PPP1R37: variants seen among roughly 807,000 people sequenced by gnomAD.
PPP1R37 encodes the protein protein phosphatase 1 regulatory subunit 37, also known as leucine rich repeat containing 68.
A neutral mutation model predicts 61.0 loss-of-function variants in PPP1R37; 21 were observed. The ratio of observed to expected loss-of-function variants is 0.34; its 90% CI spans 0.24 to 0.50. The LOEUF (loss-of-function observed/expected upper bound fraction) is 0.50. PPP1R37 is among the 20% of genes least tolerant of loss of function. The pLI is 0.98. For synonymous variants in PPP1R37, 443 were observed against 433.5 expected, an observed-to-expected ratio of 1.02 and a Z score of -0.27; for missense variants, 910 against 952.7, an observed-to-expected ratio of 0.96 and a Z score of 0.59.
At chr19:45,133,793 A>G (rs1283371277) in intron 1 of PPP1R37, among the ~76,000 whole-genome samples, 1 of 152,176 alleles carries the variant, frequency 6.6e-6, no homozygotes, top group African/African-American at 2.4e-5. Flanking sequence ...GACCTTTTCC[A>G]TGTCCATCAT....
intron 1 of PPP1R37, among the ~76,000 whole-genome samples, chr19:45,115,556 T>G (rs1182557805): frequency 2.0e-5 from 3 of 152,192 alleles, no homozygotes; most frequent in Non-Finnish European, 4.4e-5. Context: ...CTTTTACTGA[T>G]TCTGTGGCCT....
chr19:45,135,368 GC>G (rs1332495413), intron 1 of PPP1R37, among the ~76,000 whole-genome samples: 11 of 152,250 alleles, frequency 7.2e-5, no homozygotes, highest in Non-Finnish European at 1.5e-4. Flanking sequence ...CCCCAGCGGT[GC>G]CCACCCCCAG....
chr19:45,122,023 G>A (rs542594462), intron 1 of PPP1R37, among the ~76,000 whole-genome samples: 36 of 152,312 alleles, frequency 2.4e-4, no homozygotes, highest in South Asian at 4.1e-4. Flanking sequence ...CCTTGGGGGT[G>A]TGGGGTTCCC....
At position 45,140,261 on chromosome 19, in the gene PPP1R37, T is replaced by A; in HGVS notation, c.326T>A (p.Leu109His). The A allele has an allele frequency of 6.5e-7, 1 of 1,536,140 alleles. No individual in the cohort carries two copies. The highest frequency in any genetic ancestry group is 8.7e-7 in the Non-Finnish European group (1 of 1,146,898). Residue 109 changes from leucine (L) to histidine (H), a missense_variant, in exon 3 of 13, where the codon CTC (leucine) becomes CAC (histidine). By Grantham distance (99) the Leu-to-His change is moderately conservative (BLOSUM62 -3). Coordinates refer to ENST00000221462, the MANE Select transcript of PPP1R37 (RefSeq NM_019121.2). ...LQEFTDLGHR[L>H]DCLDLKGEKL... ...GAATTCACAGACCTCGGGCACCGCC[T>A]CGACTGTCTGGACCTGAAAGGTGTG... is the stretch of plus-strand genomic sequence containing the variant.
intron 1 of PPP1R37, among the ~76,000 whole-genome samples, chr19:45,107,536 C>T (rs1014231582): frequency 1.3e-5 from 2 of 152,086 alleles, no homozygotes; most frequent in African/African-American, 4.8e-5. Flanking sequence ...CCCAGGAGGT[C>T]GAGGCTGCAA....
Position 45,146,575 on chromosome 19 carries a change from C to A in PPP1R37, c.*13C>A. On this transcript the variant is annotated 3_prime_UTR_variant, in exon 13 of 13. Transcript: ENST00000221462. ...CCCCAATCTCTCCTCCCCAAGTTCC[C>A]TTTTTCCGGTCGGTCTGCGATGAGC... is the stretch of plus-strand genomic sequence containing the variant. 5.5e-6 allele frequency: 5 copies of A among 915,996 alleles called. No homozygotes were observed. The highest frequency in any genetic ancestry group is 6.6e-6 in the Non-Finnish European group (4 of 602,244). 56.7% of individuals were successfully genotyped at this position (915,996 alleles called of 1,614,324 possible). A position where few individuals can be genotyped will look rare whatever the true frequency, so the allele number is the denominator to read the frequency against.
intron 1 of PPP1R37, among the ~76,000 whole-genome samples, chr19:45,132,081 CAT>C (rs918066281): frequency 3.3e-5 from 5 of 152,198 alleles, no homozygotes; most frequent in African/African-American, 1.2e-4. Context: ...CACCCAAACA[CAT>C]GTGTTTTGAA....
chr19:45,126,043 T>C (rs1442419942), intron 1 of PPP1R37, among the ~76,000 whole-genome samples: 2 of 151,810 alleles, frequency 1.3e-5, no homozygotes, highest in Non-Finnish European at 2.9e-5. Context: ...CAGATAGGGG[T>C]GGATGGTGCC....
In PPP1R37 at chr19:45,127,983, A is replaced by T. The variant is rs1968429091; in HGVS notation, c.203-10531A>T. Among the ~76,000 whole-genome samples the T allele has an allele frequency of 1.3e-5, 2 of 152,006 alleles. 1 individual carries two copies. The highest frequency in any genetic ancestry group is 2.9e-5 in the Non-Finnish European group (2 of 68,006). On this transcript the variant is annotated intron_variant, in intron 1 of 12. Coordinates refer to ENST00000221462, the MANE Select transcript of PPP1R37 (RefSeq NM_019121.2). Reference sequence around the variant, plus strand: ...GAGCGAGACTCCATCTCAAAAAAAAAAAAAAAAAAAGATAAATGTTTGAGG... The same window carrying T: ...GAGCGAGACTCCATCTCAAAAAAAATAAAAAAAAAAGATAAATGTTTGAGG...
chr19:45,146,517 A>C, intron 12 of PPP1R37, 37 bp downstream of exon 12: 1 of 1,396,102 alleles, frequency 7.2e-7, no homozygotes. Context: ...ACTCGGGAGG[A>C]GCTGAGAGAG....
Position 45,145,812 on chromosome 19 carries a change from T to TGGGG in PPP1R37, c.1756_1757insGGGG (p.Ser586TrpfsTer27). 6 of 1,227,474 alleles carry TGGGG rather than the reference T, an allele frequency of 4.9e-6. No homozygotes were observed. The highest frequency in any genetic ancestry group is 6.5e-6 in the Non-Finnish European group (6 of 921,960). 76.0% of individuals were successfully genotyped at this position (1,227,474 alleles called of 1,614,324 possible). A position where few individuals can be genotyped will look rare whatever the true frequency, so the allele number is the denominator to read the frequency against. The stretch of plus-strand genomic sequence containing the variant: ...GCCCGAGAGGGCAGAGCCCCCTGCG[T>TGGGG]CCCCCACCCCTCCCTCTCCCCCACC... On this transcript the variant is annotated frameshift_variant, in exon 11 of 13. Coordinates refer to ENST00000221462, the MANE Select transcript of PPP1R37 (RefSeq NM_019121.2). LOFTEE classifies it high-confidence loss of function.
chr19:45,140,799 G>A, intron 4 of PPP1R37, 193 bp downstream of exon 4: 1 of 590,604 alleles, frequency 1.7e-6, no homozygotes, highest in Non-Finnish European at 3.0e-6. Flanking sequence ...GGCGCGTTGG[G>A]GCACCTATGG....
chr19:45,136,331 TTCTC>T (rs1211069064), intron 1 of PPP1R37: 1 of 152,324 alleles, frequency 6.6e-6, no homozygotes, highest in Admixed American at 6.5e-5. Context: ...ACTGTTTCTT[TTCTC>T]TCTCTCTTTT....
intron 1 of PPP1R37, among the ~76,000 whole-genome samples, chr19:45,132,272 G>T (rs1291501808): frequency 6.6e-6 from 1 of 152,038 alleles, no homozygotes; most frequent in Non-Finnish European, 1.5e-5. Context: ...GGAAAAACAA[G>T]AGGAATGTAA....
chr19:45,141,182 C>T (rs768178436), intron 4 of PPP1R37, 140 bp from the exon 5 acceptor site: 3 of 921,410 alleles, frequency 3.3e-6, no homozygotes, highest in Non-Finnish European at 3.1e-6. Context: ...GGGGCCCTGT[C>T]TGTGCTTGTC....
intron 5 of PPP1R37, 59 bp downstream of exon 5, chr19:45,141,500 T>G: frequency 1.4e-5 from 21 of 1,498,814 alleles, no homozygotes; most frequent in Non-Finnish European, 1.9e-5. Context: ...GGGGAGGCAC[T>G]TTCTCAGGGC....
At chr19:45,146,246 G>A (rs1056198266) in intron 11 of PPP1R37, 144 bp from the exon 12 acceptor site, 30 of 825,758 alleles carry the variant, frequency 3.6e-5, no homozygotes, top group Non-Finnish European at 5.2e-5. Context: ...GGGGGGGCAT[G>A]TAAGGTGTGC....
At chr19:45,095,039 T>C (rs1967974736) in intron 1 of PPP1R37, among the ~76,000 whole-genome samples, 1 of 152,186 alleles carries the variant, frequency 6.6e-6, no homozygotes. Context: ...GCCGTGGTTC[T>C]GTAGAAGCTG....
intron 1 of PPP1R37, among the ~76,000 whole-genome samples, chr19:45,137,199 G>T (rs79490493): frequency 2.6e-5 from 4 of 152,096 alleles, no homozygotes; most frequent in Non-Finnish European, 5.9e-5. Flanking sequence ...TTCCTGCTCC[G>T]CTGGTCACCC....
Sources: allele counts gnomAD v4.1 joint callset (sites outside exome capture counted in the v4.1 genomes callset), GRCh38; gene constraint gnomAD v4.1.1; transcripts MANE v1.5; gene names NCBI Gene and HGNC (gene_info 2026-07-23, HGNC 2026-07-21).